The following MARCHF1 variants were observed in gnomAD, a reference collection of about 807,000 sequenced individuals.
MARCHF1 encodes E3 ubiquitin-protein ligase MARCHF1.
Under a neutral mutation model 54.2 loss-of-function variants are expected in MARCHF1, and 40 were observed. The ratio of observed to expected loss-of-function variants is 0.74; its 90% CI spans 0.57 to 0.96. The LOEUF (loss-of-function observed/expected upper bound fraction) is 0.96, where lower values mean the gene tolerates loss of function less well. Ranked by LOEUF, MARCHF1 falls within the 40% of genes least tolerant of loss-of-function variation. The probability of loss-of-function intolerance (pLI) is 0.00; values close to 1 mark genes in which losing one functional copy is unlikely to be tolerated. For synonymous variants in MARCHF1, 236 were observed against 236.3 expected (o/e 1.00, Z 0.01); for missense variants, 586 against 656.5 (o/e 0.89, Z 1.17).
chr4:164,156,012 C>G (rs975591379), intron 1 of MARCHF1, among the ~76,000 whole-genome samples: 3 of 152,030 alleles, frequency 2.0e-5, no homozygotes, highest in South Asian at 4.1e-4. Flanking sequence ...GAAAAACTAT[C>G]AAAAGACTTA....
chr4:163,895,207 T>C (rs1257500980), intron 3 of MARCHF1, among the ~76,000 whole-genome samples: 1 of 152,212 alleles, frequency 6.6e-6, no homozygotes, highest in African/African-American at 2.4e-5. Flanking sequence ...TGGCAACTTT[T>C]ACAAGGAAGT....
At chr4:163,681,124 C>A (rs192391413) in intron 5 of MARCHF1, among the ~76,000 whole-genome samples, 8 of 152,126 alleles carry the variant, frequency 5.3e-5, no homozygotes, top group Admixed American at 4.6e-4. Flanking sequence ...CGAACAGCAT[C>A]GGTAAACAGT....
intron 5 of MARCHF1, among the ~76,000 whole-genome samples, chr4:163,618,438 C>T (rs1230492123): frequency 2.0e-5 from 3 of 152,160 alleles, no homozygotes; most frequent in African/African-American, 7.2e-5. Context: ...CTGGGAAGTT[C>T]TGAGGTAACT....
At chr4:164,142,109 C>A (rs1006381561) in intron 1 of MARCHF1, among the ~76,000 whole-genome samples, 1 of 152,198 alleles carries the variant, frequency 6.6e-6, no homozygotes, top group Non-Finnish European at 1.5e-5. Flanking sequence ...CTGTGCTTTT[C>A]CAACGGGCTT....
At chr4:163,609,512 T>G (rs4691097) in intron 7 of MARCHF1, among the ~76,000 whole-genome samples, 115,862 of 151,662 alleles carry the variant, frequency 0.76, 45,510 homozygotes, top group Non-Finnish European at 0.85. Context: ...ACAGGATAGT[T>G]CCATCTCCTA....
chr4:164,077,452 T>C (rs1560893187), intron 2 of MARCHF1, among the ~76,000 whole-genome samples: 1 of 152,100 alleles, frequency 6.6e-6, no homozygotes, highest in Admixed American at 6.6e-5. Flanking sequence ...GGCAATACTA[T>C]TCAGGACATA....
chr4:164,256,835 T>G (rs1193894661), intron 1 of MARCHF1, among the ~76,000 whole-genome samples: 1 of 152,150 alleles, frequency 6.6e-6, no homozygotes, highest in Non-Finnish European at 1.5e-5. Context: ...TACAGTCCAT[T>G]TGGTGTGTAT....
rs150026006 is a variant in MARCHF1, at chr4:163,767,216, C to G, written c.112-66353G>C. Among the ~76,000 whole-genome samples, 1,466 of 151,560 alleles carry G rather than the reference C, an allele frequency of 9.7e-3. 20 individuals are homozygous for G. The highest frequency in any genetic ancestry group is 0.033 in the African/African-American group (1,371 of 41,342). Reference sequence around the variant, plus strand: ...CACTCATTCCCATGGGAAGAAAAGGCAATCCAGACAGAAAAACTTCTTTTC... The same window carrying G: ...CACTCATTCCCATGGGAAGAAAAGGGAATCCAGACAGAAAAACTTCTTTTC... On this transcript the variant is annotated intron_variant, in intron 4 of 9. Coordinates refer to ENST00000514618, the MANE Select transcript of MARCHF1 (RefSeq NM_001394959.1).
chr4:163,686,600 C>T (rs1438236016), intron 5 of MARCHF1, among the ~76,000 whole-genome samples: 1 of 151,744 alleles, frequency 6.6e-6, no homozygotes. Flanking sequence ...ATTTTCTAAA[C>T]ACCTACTTGG....
intron 3 of MARCHF1, among the ~76,000 whole-genome samples, chr4:163,943,706 G>C (rs958689732): frequency 1.4e-5 from 2 of 141,644 alleles, no homozygotes; most frequent in Non-Finnish European, 3.0e-5. Flanking sequence ...GTTTACCTAC[G>C]TAACAAATCT....
rs139816093 is a variant in MARCHF1, at chr4:163,619,778, A to G, written c.163-6385T>C. ...GCAAGATTTAAATACAGCAAAAAAAAAGACCCATCAAAGTATGAGAAAAAC... is the reference window on the plus strand; with the variant it reads ...GCAAGATTTAAATACAGCAAAAAAAGAGACCCATCAAAGTATGAGAAAAAC... On this transcript the variant is annotated intron_variant, in intron 5 of 9. Coordinates refer to ENST00000514618, the MANE Select transcript of MARCHF1 (RefSeq NM_001394959.1). Among the ~76,000 whole-genome samples, 475 of 152,298 alleles carry G rather than the reference A, an allele frequency of 3.1e-3. 2 individuals carry two copies. Among genetic ancestry groups the G allele is most frequent in the African/African-American group, 0.011 (454 of 41,578 alleles).
chr4:163,868,778 G>A (rs1037828932), intron 3 of MARCHF1, among the ~76,000 whole-genome samples: 2 of 151,942 alleles, frequency 1.3e-5, no homozygotes, highest in Non-Finnish European at 2.9e-5. Context: ...AAAAAAAAAT[G>A]TTTTTTGACA....
chr4:163,947,975 A>G (rs545633477), intron 3 of MARCHF1, among the ~76,000 whole-genome samples: 81 of 152,336 alleles, frequency 5.3e-4, no homozygotes, highest in Non-Finnish European at 1.0e-3. Context: ...AAGGTATGCA[A>G]TAATATTCCC....
At chr4:164,010,247 GT>G (rs1753390717) in intron 2 of MARCHF1, among the ~76,000 whole-genome samples, 2 of 147,790 alleles carry the variant, frequency 1.4e-5, no homozygotes, top group South Asian at 4.3e-4. Flanking sequence ...TTTTGTTGTT[GT>G]TTTTTGGTTT....
chr4:163,875,644 G>A (rs1228277259), intron 3 of MARCHF1, among the ~76,000 whole-genome samples: 1 of 152,126 alleles, frequency 6.6e-6, no homozygotes, highest in Non-Finnish European at 1.5e-5. Flanking sequence ...TGGCACTAAT[G>A]TATGAAAAGT....
intron 2 of MARCHF1, among the ~76,000 whole-genome samples, chr4:164,003,132 T>C (rs895768548): frequency 6.6e-6 from 1 of 151,854 alleles, no homozygotes; most frequent in Non-Finnish European, 1.5e-5. Context: ...CAAAATGGTA[T>C]AAGGACAGAG....
chr4:163,535,191 T>G (rs1421420118), intron 9 of MARCHF1, among the ~76,000 whole-genome samples: 1 of 152,074 alleles, frequency 6.6e-6, no homozygotes, highest in Non-Finnish European at 1.5e-5. Flanking sequence ...ATTATTCATT[T>G]TTGGAAAAAA....
At chr4:164,081,207 CAAAAAAAAA>C (rs60753810) in intron 2 of MARCHF1, among the ~76,000 whole-genome samples, 401 of 18,390 alleles carry the variant, frequency 0.022, 7 homozygotes, top group Admixed American at 0.034. Context: ...GACGCTGTCT[CAAAAAAAAA>C]AAAAAAAAAA....
At chr4:164,112,621 T>C (rs911897885) in intron 1 of MARCHF1, among the ~76,000 whole-genome samples, 1 of 151,922 alleles carries the variant, frequency 6.6e-6, no homozygotes, top group African/African-American at 2.4e-5. Context: ...AATAGTTATA[T>C]AAAATGAGTT....
Sources: gnomAD v4.1 joint callset for allele counts (sites outside exome capture counted in the v4.1 genomes callset) on GRCh38, gnomAD v4.1.1 for gene constraint, MANE v1.5 for transcripts, NCBI Gene and HGNC (gene_info 2026-07-23, HGNC 2026-07-21) for gene names.